KAZN: variants seen among roughly 807,000 people sequenced by gnomAD.
The protein encoded by KAZN is kazrin, periplakin interacting protein, also known as kazrin.
KAZN carries 40 observed loss-of-function variants against 87.4 expected under a neutral mutation model. The ratio of observed to expected loss-of-function variants is 0.46; its 90% confidence interval spans 0.36 to 0.60. KAZN has a LOEUF of 0.60. Among genes scored for constraint, KAZN ranks in the 20% least tolerant of loss-of-function variants. The probability of loss-of-function intolerance (pLI) is 0.00; values close to 1 mark genes in which losing one functional copy is unlikely to be tolerated. For missense variants in KAZN, 898 were observed against 1,073.9 expected (o/e 0.84, Z 2.29); for synonymous variants, 466 against 458.3 (o/e 1.02, Z -0.22).
chr1:14,965,890 T>G (rs1664403544), intron 2 of KAZN, among the ~76,000 whole-genome samples: 1 of 152,138 alleles, frequency 6.6e-6, no homozygotes, highest in Admixed American at 6.6e-5. Context: ...AGAAAAAATA[T>G]GTAAATCTTT....
At chr1:14,063,804 A>C (rs1419221546) in intron 1 of KAZN, among the ~76,000 whole-genome samples, 1 of 152,164 alleles carries the variant, frequency 6.6e-6, no homozygotes, top group East Asian at 1.9e-4. Context: ...AATAAGTCTC[A>C]TGAGATCTGA....
chr1:15,068,970 G>A (rs1175624737), intron 8 of KAZN, among the ~76,000 whole-genome samples: 7 of 151,986 alleles, frequency 4.6e-5, no homozygotes, highest in Non-Finnish European at 7.4e-5. Context: ...AAAGCCCTGG[G>A]TGACAAGGAA....
intron 1 of KAZN, among the ~76,000 whole-genome samples, chr1:14,663,372 G>A (rs1003919587): frequency 3.9e-5 from 6 of 152,144 alleles, no homozygotes; most frequent in African/African-American, 1.2e-4. Flanking sequence ...GGCCACACAG[G>A]CAAGAGAGGG....
At chr1:15,016,591 A>T (rs1184814487) in intron 2 of KAZN, among the ~76,000 whole-genome samples, 1 of 152,022 alleles carries the variant, frequency 6.6e-6, no homozygotes, top group Non-Finnish European at 1.5e-5. Flanking sequence ...CAGCCTTGAG[A>T]ATGCATTTGT....
intron 2 of KAZN, among the ~76,000 whole-genome samples, chr1:14,980,297 G>A (rs1666099677): frequency 6.6e-6 from 1 of 152,178 alleles, no homozygotes; most frequent in Non-Finnish European, 1.5e-5. Flanking sequence ...AAGAGAAGAG[G>A]GCTCTATTAA....
At chr1:14,382,260 C>A (rs1661428292) in intron 2 of KAZN, among the ~76,000 whole-genome samples, 1 of 152,174 alleles carries the variant, frequency 6.6e-6, no homozygotes. Flanking sequence ...AGATTTAATG[C>A]AGTCCCTATC....
chr1:14,420,761 C>G (rs1323159663), intron 2 of KAZN, among the ~76,000 whole-genome samples: 1 of 152,152 alleles, frequency 6.6e-6, no homozygotes, highest in African/African-American at 2.4e-5. Context: ...AAGCCCCTCA[C>G]TGCCCGGGGC....
chr1:14,770,985 A>C (rs978836339), intron 1 of KAZN, among the ~76,000 whole-genome samples: 1 of 152,132 alleles, frequency 6.6e-6, no homozygotes. Flanking sequence ...AGGTGTTCCC[A>C]TGTTCAGTTG....
intron 2 of KAZN, among the ~76,000 whole-genome samples, chr1:14,415,910 C>T (rs995870422): frequency 3.9e-5 from 6 of 152,104 alleles, no homozygotes; most frequent in Non-Finnish European, 8.8e-5. Context: ...CCCAGCACCT[C>T]CATGATGTCA....
chr1:14,648,244 G>A (rs575525141), intron 1 of KAZN, among the ~76,000 whole-genome samples: 2 of 152,314 alleles, frequency 1.3e-5, no homozygotes, highest in South Asian at 4.1e-4. Flanking sequence ...TATTGACAGT[G>A]ATTAACTCTG....
At chr1:14,156,687 A>G (rs1170064935) in intron 1 of KAZN, among the ~76,000 whole-genome samples, 1 of 152,180 alleles carries the variant, frequency 6.6e-6, no homozygotes, top group African/African-American at 2.4e-5. Context: ...TCGGCATGAA[A>G]TATCTCTTTC....
chr1:13,938,688 G>A (rs1305941369), intron 1 of KAZN, among the ~76,000 whole-genome samples: 1 of 152,218 alleles, frequency 6.6e-6, no homozygotes, highest in Non-Finnish European at 1.5e-5. Flanking sequence ...CTGGGGAACT[G>A]CCTAGTGGAG....
chr1:14,101,853 T>C (rs1644261740), intron 1 of KAZN, among the ~76,000 whole-genome samples: 2 of 152,190 alleles, frequency 1.3e-5, no homozygotes, highest in Admixed American at 6.5e-5. Flanking sequence ...GCAAAACCTT[T>C]TTTTCCAAAT....
chr1:14,419,837 A>G (rs1050548677), intron 2 of KAZN, among the ~76,000 whole-genome samples: 1 of 152,056 alleles, frequency 6.6e-6, no homozygotes, highest in African/African-American at 2.4e-5. Flanking sequence ...CTCGGAAGTG[A>G]AGCCAGACAC....
intron 1 of KAZN, among the ~76,000 whole-genome samples, chr1:14,905,063 G>C (rs540211709): frequency 2.0e-5 from 3 of 151,734 alleles, no homozygotes; most frequent in African/African-American, 7.2e-5. Context: ...GCCCAGCCTT[G>C]TTTTTGTTTT....
chr1:14,015,606 G>T (rs1383815306), intron 1 of KAZN, among the ~76,000 whole-genome samples: 1 of 145,912 alleles, frequency 6.9e-6, no homozygotes, highest in Non-Finnish European at 1.5e-5. Context: ...TCAGCCTCCC[G>T]AGTAGCTGGG....
At chr1:14,997,492 G>A (rs916576676) in intron 2 of KAZN, among the ~76,000 whole-genome samples, 3 of 151,910 alleles carry the variant, frequency 2.0e-5, no homozygotes, top group Non-Finnish European at 2.9e-5. Context: ...CACCTGCCTC[G>A]GCCTCCCAAA....
chr1:14,773,075 G>A lies in KAZN; in HGVS notation c.226+173852G>A, dbSNP rs1013147988. ...GAAATGGGCATTTGAGGGTCAGGTG[G>A]GTGACCCTAGTCCCCCACAAAGGTA... is the stretch of plus-strand genomic sequence containing the variant. On this transcript the variant is annotated intron_variant, in intron 1 of 14. Transcript: ENST00000376030. This position sits in a 1 kb window ranked among gnomAD's most constrained non-coding sequence, Gnocchi z 5.9. Among the ~76,000 whole-genome samples the A allele has an allele frequency of 5.9e-5, 9 of 152,060 alleles. No individual in the cohort carries two copies. Among genetic ancestry groups the A allele is most frequent in the African/African-American group, 1.9e-4 (8 of 41,390 alleles).
chr1:14,115,170 G>A (rs1335103113), intron 1 of KAZN, among the ~76,000 whole-genome samples: 4 of 152,242 alleles, frequency 2.6e-5, no homozygotes, highest in Non-Finnish European at 5.9e-5. Context: ...CTCTCTTCCT[G>A]ACTTGCAGAC....
Sources: allele counts gnomAD v4.1 joint callset (sites outside exome capture counted in the v4.1 genomes callset), GRCh38; gene constraint gnomAD v4.1.1; non-coding constraint Gnocchi (gnomAD v3.1); transcripts MANE v1.5; gene names NCBI Gene and HGNC (gene_info 2026-07-23, HGNC 2026-07-21).